ADAMTSL1: variants seen among roughly 807,000 people sequenced by gnomAD.
ADAMTSL1 encodes ADAMTS-like protein 1.
ADAMTSL1 carries 126 observed loss-of-function variants against 201.8 expected under a neutral mutation model. That is an observed-to-expected ratio of 0.62 (90% CI 0.54 to 0.72). The LOEUF (loss-of-function observed/expected upper bound fraction) is 0.72. Among genes scored for constraint, ADAMTSL1 ranks in the 30% least tolerant of loss-of-function variants. The pLI, the probability that ADAMTSL1 is intolerant of heterozygous loss-of-function variation, is 0.00. For missense variants in ADAMTSL1, 2,679 were observed against 2,277.8 expected (o/e 1.18, Z -3.59); for synonymous variants, 1,121 against 903.4 (o/e 1.24, Z -4.32).
chr9:18,641,805 C>A (rs10963699), intron 7 of ADAMTSL1, among the ~76,000 whole-genome samples: 12,977 of 151,944 alleles, frequency 0.085, 695 homozygotes, highest in Admixed American at 0.13. Flanking sequence ...TATTATTTAT[C>A]AGTTTTCATG....
intron 1 of ADAMTSL1, among the ~76,000 whole-genome samples, chr9:18,067,529 G>A (rs10963426): frequency 0.036 from 5,472 of 152,182 alleles, 310 homozygotes; most frequent in East Asian, 0.31. Flanking sequence ...TAAGTAGTGG[G>A]CAATTTAGAT....
At chr9:18,004,091 A>G (rs900401435) in intron 1 of ADAMTSL1, among the ~76,000 whole-genome samples, 10 of 152,120 alleles carry the variant, frequency 6.6e-5, no homozygotes, top group Non-Finnish European at 1.2e-4. Flanking sequence ...GTCCATATGG[A>G]CCACTTAATT....
intron 3 of ADAMTSL1, among the ~76,000 whole-genome samples, chr9:18,535,600 A>G (rs1056286506): frequency 6.6e-6 from 1 of 152,182 alleles, no homozygotes; most frequent in African/African-American, 2.4e-5. Context: ...GTATTAGTCC[A>G]TTCTTATGCT....
At chr9:18,499,951 T>G (rs891221110) in intron 1 of ADAMTSL1, among the ~76,000 whole-genome samples, 1 of 152,230 alleles carries the variant, frequency 6.6e-6, no homozygotes, top group Admixed American at 6.5e-5. Context: ...ATTTTCCAAG[T>G]ACCCTGTATA....
intron 4 of ADAMTSL1, among the ~76,000 whole-genome samples, chr9:18,582,040 C>A (rs1385063373): frequency 6.6e-6 from 1 of 152,134 alleles, no homozygotes; most frequent in Non-Finnish European, 1.5e-5. Context: ...TAACAGGTAT[C>A]CAAGCCATCA....
chr9:18,054,204 A>G (rs370764477), intron 1 of ADAMTSL1, among the ~76,000 whole-genome samples: 18 of 152,254 alleles, frequency 1.2e-4, no homozygotes, highest in East Asian at 1.2e-3. Context: ...ATAAACACAG[A>G]CATACATTGT....
In ADAMTSL1 at chr9:18,777,303, T is replaced by A; in HGVS notation, c.3074T>A (p.Val1025Asp). The A allele has an allele frequency of 6.2e-7, 1 of 1,604,336 alleles. No homozygotes were observed. Among genetic ancestry groups the A allele is most frequent in the Non-Finnish European group, 8.5e-7 (1 of 1,175,626 alleles). The change falls in exon 19 of 29, where the codon GTC becomes GAC. Residue 1025 changes from valine to aspartate, a missense_variant. By Grantham distance (152) the Val-to-Asp change is radical. Coordinates refer to ENST00000380548, the MANE Select transcript of ADAMTSL1 (RefSeq NM_001040272.6). ...CCGGGGAGCCGCTACGACGACCTCG[T>A]CTCCCGGCTGCTGGAGCAGGGCGGC... ...ANPGSRYDDL[V>D]SRLLEQGGWP...
At chr9:18,800,235 T>C (rs901529633) in intron 20 of ADAMTSL1, among the ~76,000 whole-genome samples, 2 of 151,386 alleles carry the variant, frequency 1.3e-5, no homozygotes, top group Admixed American at 6.6e-5. Context: ...ATATTAGCCA[T>C]GTGTGGTGGC....
intron 1 of ADAMTSL1, among the ~76,000 whole-genome samples, chr9:18,060,420 A>G (rs1277040410): frequency 2.6e-5 from 4 of 152,184 alleles, no homozygotes; most frequent in Non-Finnish European, 5.9e-5. Flanking sequence ...ACTTCATTTC[A>G]AAAGTAAATA....
chr9:18,289,688 A>T (rs1833172994), intron 2 of ADAMTSL1, among the ~76,000 whole-genome samples: 1 of 152,230 alleles, frequency 6.6e-6, no homozygotes, highest in South Asian at 2.1e-4. Flanking sequence ...GGAGGAAAGG[A>T]TGACAAAATG....
intron 26 of ADAMTSL1, among the ~76,000 whole-genome samples, chr9:18,893,681 C>A (rs1015783558): frequency 1.3e-5 from 2 of 152,214 alleles, no homozygotes; most frequent in African/African-American, 2.4e-5. Flanking sequence ...CTTCATCTCA[C>A]AATCCTGTTG....
At chr9:17,926,109 T>G (rs546055143) in intron 1 of ADAMTSL1, among the ~76,000 whole-genome samples, 3 of 152,266 alleles carry the variant, frequency 2.0e-5, no homozygotes, top group African/African-American at 7.2e-5. Context: ...CTACTGCATA[T>G]GGAAAGGAAA....
chr9:18,813,421 G>A (rs1823638188), intron 20 of ADAMTSL1, among the ~76,000 whole-genome samples: 1 of 152,178 alleles, frequency 6.6e-6, no homozygotes, highest in South Asian at 2.1e-4. Flanking sequence ...GTACAGTATG[G>A]ACATTTGAAC....
intron 1 of ADAMTSL1, among the ~76,000 whole-genome samples, chr9:18,102,295 T>C (rs148010423): frequency 1.3e-5 from 2 of 152,332 alleles, no homozygotes; most frequent in African/African-American, 4.8e-5. Flanking sequence ...TTATTTTATT[T>C]ATAAAGTGTT....
At position 18,675,893 on chromosome 9, in the gene ADAMTSL1, C is replaced by G; in HGVS notation, c.1122C>G (p.Tyr374Ter). Residue 374 changes from tyrosine to a stop codon, truncating the protein, a stop_gained, in exon 10 of 29, where the codon TAC becomes TAG. Coordinates refer to ENST00000380548, the MANE Select transcript of ADAMTSL1 (RefSeq NM_001040272.6). LOFTEE classifies it high-confidence loss of function. ...AGCAGATCATGCCTTATGACCTCTA[C>G]CATCCCCTTCCTCGGTACGTAAATC... Reference protein sequence around the residue: ...GYKQIMPYDLYHPLPRWEATP... With the variant: ...GYKQIMPYDL The G allele has an allele frequency of 6.2e-7, 1 of 1,613,120 alleles. No homozygotes were observed. Among genetic ancestry groups the G allele is most frequent in the East Asian group, 2.2e-5 (1 of 44,832 alleles).
At chr9:18,083,235 A>G (rs1248053486) in intron 1 of ADAMTSL1, among the ~76,000 whole-genome samples, 1 of 152,192 alleles carries the variant, frequency 6.6e-6, no homozygotes, top group African/African-American at 2.4e-5. Flanking sequence ...GGGACCTACA[A>G]GTATTGGAAA....
At chr9:18,626,922 TTTTC>T (rs1006215175) in intron 5 of ADAMTSL1, among the ~76,000 whole-genome samples, 14 of 149,304 alleles carry the variant, frequency 9.4e-5, no homozygotes, top group African/African-American at 2.7e-4. Flanking sequence ...CTTTTTTTCT[TTTTC>T]TTTCTTTCTT....
chr9:18,790,844 C>G (rs551807407), intron 19 of ADAMTSL1, among the ~76,000 whole-genome samples: 2 of 152,252 alleles, frequency 1.3e-5, no homozygotes, highest in South Asian at 4.2e-4. Flanking sequence ...TGGTACAGGT[C>G]TGGGAGGAAG....
intron 13 of ADAMTSL1, among the ~76,000 whole-genome samples, chr9:18,690,715 A>C (rs980020755): frequency 6.6e-6 from 1 of 152,238 alleles, no homozygotes; most frequent in Non-Finnish European, 1.5e-5. Flanking sequence ...AAAGCCTCAC[A>C]CTGGCCAGAC....
Sources: gnomAD v4.1 joint callset for allele counts (sites outside exome capture counted in the v4.1 genomes callset) on GRCh38, gnomAD v4.1.1 for gene constraint, MANE v1.5 for transcripts, NCBI Gene and HGNC (gene_info 2026-07-23, HGNC 2026-07-21) for gene names.